Variants in XRCC4 observed in about 807,000 individuals in gnomAD.
XRCC4 encodes the protein X-ray repair cross complementing 4, also known as DNA repair protein XRCC4.
In XRCC4, 28 loss-of-function variants were observed where a neutral mutation model predicts 39.1. That is an observed-to-expected ratio of 0.72 (90% CI 0.53 to 0.98). The LOEUF (loss-of-function observed/expected upper bound fraction) is 0.98, where lower values mean the gene tolerates loss of function less well. Ranked by LOEUF, XRCC4 falls within the 50% of genes least tolerant of loss-of-function variation. The probability of loss-of-function intolerance (pLI) is 0.00; values close to 1 mark genes in which losing one functional copy is unlikely to be tolerated. For synonymous variants in XRCC4, 123 were observed against 126.4 expected, an observed-to-expected ratio of 0.97 and a Z score of 0.18; for missense variants, 350 against 376.4, an observed-to-expected ratio of 0.93 and a Z score of 0.58.
chr5:83,214,235 G>C lies in XRCC4; in HGVS notation c.745+9314G>C, dbSNP rs187101474. Among the ~76,000 whole-genome samples the C allele has an allele frequency of 8.6e-4, 131 of 152,158 alleles. No individual in the cohort carries two copies. In the Middle Eastern group the frequency reaches 0.01, roughly 12 times the overall value. ...ATTAGGCAAGAAAATAAGATAAAAG[G>C]TATTCAGATTGGAAAAGAAGTAAAA... On this transcript the variant is annotated intron_variant, in intron 6 of 7. Transcript: ENST00000396027.
intron 3 of XRCC4, among the ~76,000 whole-genome samples, chr5:83,144,934 T>C (rs1748379348): frequency 6.6e-6 from 1 of 152,166 alleles, no homozygotes; most frequent in African/African-American, 2.4e-5. Flanking sequence ...CTCACTCTGT[T>C]GCCCAGGCTG....
chr5:83,122,504 TC>T (rs1747058514), intron 3 of XRCC4, among the ~76,000 whole-genome samples: 1 of 152,182 alleles, frequency 6.6e-6, no homozygotes, highest in Non-Finnish European at 1.5e-5. Flanking sequence ...ATCCAGAATG[TC>T]AGTAGTGTTG....
At chr5:83,118,530 A>G (rs1264417936) in intron 3 of XRCC4, among the ~76,000 whole-genome samples, 2 of 152,150 alleles carry the variant, frequency 1.3e-5, no homozygotes, top group African/African-American at 2.4e-5. Context: ...GTCTAGTTTT[A>G]CTATTATGTT....
At chr5:83,350,098 C>T (rs1757035963) in intron 7 of XRCC4, among the ~76,000 whole-genome samples, 1 of 152,156 alleles carries the variant, frequency 6.6e-6, no homozygotes, top group Non-Finnish European at 1.5e-5. Flanking sequence ...TTATTTCATT[C>T]TTTTTGGTGG....
At chr5:83,236,255 C>A (rs1752683212) in intron 6 of XRCC4, among the ~76,000 whole-genome samples, 1 of 151,906 alleles carries the variant, frequency 6.6e-6, no homozygotes, top group South Asian at 2.1e-4. Context: ...CTATCATAGC[C>A]AAAGGAATCC....
At chr5:83,258,489 A>C (rs773342314) in intron 6 of XRCC4, 41 bp from the exon 7 acceptor site, 1 of 1,592,850 alleles carries the variant, frequency 6.3e-7, no homozygotes, top group Admixed American at 1.9e-5. Context: ...AATGATGTGC[A>C]TAATTTTGTT....
At position 83,231,721 on chromosome 5, in the gene XRCC4, A is replaced by G. The variant is rs747098578; in HGVS notation, c.745+26800A>G. Among the ~76,000 whole-genome samples the G allele has an allele frequency of 6.0e-4, 91 of 152,232 alleles. 1 individual carries two copies. Among genetic ancestry groups the G allele is most frequent in the Middle Eastern group, 3.4e-3 (1 of 294 alleles). On this transcript the variant is annotated intron_variant, in intron 6 of 7. Transcript: ENST00000396027. ...CCTACCTATTTCAGAAGGATAAAGT[A>G]TGGTTTATGCTAGTTGTTTGTCTCC...
rs1256846687 is a variant in XRCC4 at position 83,105,004 on chromosome 5, G to T, written c.85G>T (p.Glu29Ter). Residue 29 changes from glutamate to a stop codon, truncating the protein, a stop_gained, in exon 2 of 8, where the codon GAA (glutamate) becomes TAA (stop). Transcript: ENST00000396027. LOFTEE classifies it high-confidence loss of function. ...ACAAGTATCTTGGGAGAAAACACTG[G>T]AATCTGGTTTTGTTATTACACTTAC... Reference protein sequence around the residue: ...FLQVSWEKTLESGFVITLTDG... With the variant: ...FLQVSWEKTL 1 of 1,613,578 alleles carries T rather than the reference G, an allele frequency of 6.2e-7. No individual in the cohort carries two copies. The highest frequency in any genetic ancestry group is 2.2e-5 in the East Asian group (1 of 44,752).
At chr5:83,275,489 G>C (rs28360264) in intron 7 of XRCC4, among the ~76,000 whole-genome samples, 3,021 of 151,930 alleles carry the variant, frequency 0.02, 82 homozygotes, top group African/African-American at 0.067. Context: ...TAGAGACGGG[G>C]TTTCACCGTT....
chr5:83,347,290 A>G (rs1362349833), intron 7 of XRCC4, among the ~76,000 whole-genome samples: 1 of 152,194 alleles, frequency 6.6e-6, no homozygotes, highest in African/African-American at 2.4e-5. Flanking sequence ...AGACATTTGT[A>G]TTCGTCTTTT....
intron 3 of XRCC4, among the ~76,000 whole-genome samples, chr5:83,163,468 A>T (rs1749316729): frequency 6.6e-6 from 1 of 152,174 alleles, no homozygotes; most frequent in African/African-American, 2.4e-5. Context: ...AAACCATTTT[A>T]TTGGACACAT....
chr5:83,251,519 G>T (rs1191703225), intron 6 of XRCC4, among the ~76,000 whole-genome samples: 13 of 109,160 alleles, frequency 1.2e-4, no homozygotes, highest in Non-Finnish European at 1.7e-4. Flanking sequence ...ACGAGACTCC[G>T]TCTCAAAAAA....
At chr5:83,183,412 T>TGTG (rs1750289461) in intron 3 of XRCC4, among the ~76,000 whole-genome samples, 2 of 139,336 alleles carry the variant, frequency 1.4e-5, no homozygotes, top group South Asian at 2.4e-4. Context: ...TTTCATTTAT[T>TGTG]TGTGTGTGTG....
At chr5:83,353,049 C>G in intron 7 of XRCC4, 82 bp from the exon 8 acceptor site, 1 of 1,097,284 alleles carries the variant, frequency 9.1e-7, no homozygotes, top group Non-Finnish European at 1.3e-6. Flanking sequence ...TGTCATTTCA[C>G]TTATGTGTCT....
intron 7 of XRCC4, among the ~76,000 whole-genome samples, chr5:83,320,278 A>G (rs1756013489): frequency 6.7e-6 from 1 of 149,394 alleles, no homozygotes; most frequent in Non-Finnish European, 1.5e-5. Context: ...TAGTGGGTGC[A>G]GCGCACCAGC....
At chr5:83,164,979 A>G (rs1749391616) in intron 3 of XRCC4, among the ~76,000 whole-genome samples, 1 of 151,526 alleles carries the variant, frequency 6.6e-6, no homozygotes, top group Admixed American at 6.6e-5. Flanking sequence ...TATTTTAAAT[A>G]AAATATTTTT....
At chr5:83,266,283 G>A (rs575397477) in intron 7 of XRCC4, among the ~76,000 whole-genome samples, 258 of 150,046 alleles carry the variant, frequency 1.7e-3, no homozygotes, top group African/African-American at 6.0e-3. Flanking sequence ...AATTTACACT[G>A]TAACAGTGAA....
At chr5:83,373,868 G>A in the XRCC4 span, among the ~76,000 whole-genome samples, 2 of 152,114 alleles carry the variant, frequency 1.3e-5, no homozygotes, top group Admixed American at 6.6e-5. Flanking sequence ...GATATGGTTT[G>A]TAAATCTGTT....
At chr5:83,140,447 T>C (rs1416300463) in intron 3 of XRCC4, among the ~76,000 whole-genome samples, 1 of 152,202 alleles carries the variant, frequency 6.6e-6, no homozygotes, top group Non-Finnish European at 1.5e-5. Context: ...GCCTGCTTTG[T>C]TCTAGCCGCA....
Sources: allele counts gnomAD v4.1 joint callset (sites outside exome capture counted in the v4.1 genomes callset), GRCh38; gene constraint gnomAD v4.1.1; transcripts MANE v1.5; gene names NCBI Gene and HGNC (gene_info 2026-07-23, HGNC 2026-07-21).